Variants in CIMAP2 observed in about 807,000 individuals in gnomAD.
CIMAP2 encodes the protein ciliary microtubule associated protein 2, also known as ciliary microtubule-associated protein 2.
the CIMAP2 span, among the ~76,000 whole-genome samples, chr1:54,830,807 A>T: frequency 6.6e-6 from 1 of 152,068 alleles, no homozygotes; most frequent in Non-Finnish European, 1.5e-5. This position sits in a 1 kb window ranked among gnomAD's most constrained non-coding sequence, Gnocchi z 4.1. Context: ...TCTTAGCTTT[A>T]CCATTTACTG....
At chr1:54,824,011 G>T in the CIMAP2 span, among the ~76,000 whole-genome samples, 1 of 151,816 alleles carries the variant, frequency 6.6e-6, no homozygotes, top group East Asian at 1.9e-4. Flanking sequence ...TGGCTTGTAA[G>T]GTTTCTGCTG....
the CIMAP2 span, among the ~76,000 whole-genome samples, chr1:54,808,855 C>T: frequency 6.6e-6 from 1 of 152,002 alleles, no homozygotes; most frequent in African/African-American, 2.4e-5. Context: ...TTGGCCTGGA[C>T]CTCTCTGTGC....
the CIMAP2 span, chr1:54,815,028 A>T: frequency 8.7e-6 from 14 of 1,613,990 alleles, no homozygotes; most frequent in Admixed American, 1.7e-5. Context: ...CCAGATGATT[A>T]TGGGAAGCTG....
the CIMAP2 span, among the ~76,000 whole-genome samples, chr1:54,808,719 TGGG>T: frequency 5.8e-4 from 85 of 146,250 alleles, no homozygotes; most frequent in Non-Finnish European, 1.0e-3. Context: ...TGCTGAGAGG[TGGG>T]GGTGGCAGCG....
chr1:54,841,956 G>A, the CIMAP2 span: 1 of 1,389,870 alleles, frequency 7.2e-7, no homozygotes, highest in African/African-American at 1.4e-5. Context: ...ATGGGCATGG[G>A]AGTGGGGTGT....
At chr1:54,809,083 C>T in the CIMAP2 span, among the ~76,000 whole-genome samples, 34 of 60,322 alleles carry the variant, frequency 5.6e-4, no homozygotes, top group Middle Eastern at 0.033. Flanking sequence ...CACATAGGCA[C>T]GCAATAAGTA....
the CIMAP2 span, among the ~76,000 whole-genome samples, chr1:54,825,084 C>T: frequency 1.7e-5 from 2 of 119,116 alleles, no homozygotes; most frequent in Admixed American, 1.1e-4. Context: ...GAGTCTCGCT[C>T]TGTCACCCAG....
the CIMAP2 span, among the ~76,000 whole-genome samples, chr1:54,832,325 A>G: frequency 6.6e-6 from 1 of 151,888 alleles, no homozygotes; most frequent in African/African-American, 2.4e-5. Context: ...CATTTATAAA[A>G]ATTGATCTCT....
chr1:54,806,205 G>T, the CIMAP2 span: 1 of 1,542,222 alleles, frequency 6.5e-7, no homozygotes, highest in East Asian at 2.4e-5. Flanking sequence ...GCGCCCTTCG[G>T]GGTGCAGAGC....
the CIMAP2 span, among the ~76,000 whole-genome samples, chr1:54,834,485 CAT>C: frequency 6.6e-6 from 1 of 152,144 alleles, no homozygotes; most frequent in Non-Finnish European, 1.5e-5. Flanking sequence ...AAATTTCAAA[CAT>C]ATAGCAAAGT....
the CIMAP2 span, chr1:54,806,071 C>T: frequency 5.4e-4 from 793 of 1,477,786 alleles, 5 homozygotes; most frequent in East Asian, 0.016. Context: ...TCACAAGGCC[C>T]GGGTTGCCGT....
the CIMAP2 span, chr1:54,842,032 T>C: frequency 1.4e-6 from 1 of 703,200 alleles, no homozygotes; most frequent in South Asian, 1.9e-5. Flanking sequence ...TTGCCAGAGC[T>C]GCATACCTGA....
the CIMAP2 span, among the ~76,000 whole-genome samples, chr1:54,836,187 G>T: frequency 6.6e-6 from 1 of 152,070 alleles, no homozygotes; most frequent in Admixed American, 6.5e-5. Flanking sequence ...TAACTCCAAG[G>T]GAAGGCAGTC....
At chr1:54,806,120 A>T in the CIMAP2 span, 1 of 1,536,262 alleles carries the variant, frequency 6.5e-7, no homozygotes, top group Non-Finnish European at 8.7e-7. Flanking sequence ...GCCTGCCATG[A>T]GGGAAAGCCA....
the CIMAP2 span, among the ~76,000 whole-genome samples, chr1:54,830,487 G>T: frequency 1.3e-5 from 2 of 152,156 alleles, no homozygotes; most frequent in African/African-American, 4.8e-5. The surrounding 1 kb of genome is among the most constrained non-coding windows in gnomAD (Gnocchi z 4.1). Context: ...CTCTCAAAGT[G>T]CTGGGATTAC....
chr1:54,817,174 A>G, the CIMAP2 span: 1 of 1,602,390 alleles, frequency 6.2e-7, no homozygotes, highest in Non-Finnish European at 8.5e-7. Flanking sequence ...GGGGGGTCTT[A>G]CTCTGGGGTG....
the CIMAP2 span, among the ~76,000 whole-genome samples, chr1:54,834,510 A>G: frequency 6.6e-6 from 1 of 152,244 alleles, no homozygotes; most frequent in Non-Finnish European, 1.5e-5. Context: ...AAAGAATTTT[A>G]CAGTGTATAC....
the CIMAP2 span, among the ~76,000 whole-genome samples, chr1:54,836,419 AG>A: frequency 1.3e-5 from 2 of 151,336 alleles, no homozygotes; most frequent in Admixed American, 6.6e-5. Context: ...GCTGATGGGC[AG>A]GGAAGGAGGG....
the CIMAP2 span, chr1:54,812,305 C>G: frequency 7.1e-7 from 1 of 1,404,718 alleles, no homozygotes; most frequent in South Asian, 1.3e-5. Flanking sequence ...GCCTTTCCCA[C>G]ACCCCCTCAC....
Sources: gnomAD v4.1 joint callset for allele counts (sites outside exome capture counted in the v4.1 genomes callset) on GRCh38, gnomAD v4.1.1 for gene constraint, Gnocchi (gnomAD v3.1) non-coding constraint, MANE v1.5 for transcripts, NCBI Gene and HGNC (gene_info 2026-07-23, HGNC 2026-07-21) for gene names.